The following MYO9A variants were observed in gnomAD, a reference collection of about 807,000 sequenced individuals.
The protein encoded by MYO9A is unconventional myosin-IXa.
In MYO9A, 103 loss-of-function variants were observed where a neutral mutation model predicts 293.3. The observed-to-expected ratio is 0.35, with a 90% CI of 0.30 to 0.41. The LOEUF is 0.41. MYO9A is among the 10% of genes least tolerant of loss of function. The probability of loss-of-function intolerance (pLI) is 1.00; values close to 1 mark genes in which losing one functional copy is unlikely to be tolerated. For missense variants in MYO9A, 2,685 were observed against 3,033.0 expected, an observed-to-expected ratio of 0.89 and a Z score of 2.69; for synonymous variants, 1,001 against 1,035.7, an observed-to-expected ratio of 0.97 and a Z score of 0.64.
In MYO9A at chr15:71,991,273, GT is replaced by G. The variant is rs745378781; in HGVS notation, c.1588-37del. ...AGAGAAAGTTTTGATTAAAAGTAAT[GT>G]TTAAATTTATTTAATGAATAATATC... On this transcript the variant is annotated intron_variant, in intron 10 of 41. Coordinates refer to ENST00000356056, the MANE Select transcript of MYO9A (RefSeq NM_006901.4). 12 of 1,497,980 alleles carry G rather than the reference GT, an allele frequency of 8.0e-6. No individual in the cohort carries two copies. In the African/African-American group the frequency reaches 1.4e-4, roughly 18 times the overall value. The allele number at this position is 1,497,980 out of a possible 1,614,324, so 92.8% of individuals were successfully genotyped here. A position where few individuals can be genotyped will look rare whatever the true frequency, so the allele number is the denominator to read the frequency against.
At chr15:71,987,359 T>C (rs12438558) in intron 11 of MYO9A, among the ~76,000 whole-genome samples, 1,948 of 152,368 alleles carry the variant, frequency 0.013, 58 homozygotes, top group Admixed American at 0.059. Context: ...CTCTGCTAAA[T>C]ATACTTCAAA....
intron 7 of MYO9A, 25 bp from the exon 8 acceptor site, chr15:72,007,977 A>G: frequency 6.3e-7 from 1 of 1,597,116 alleles, no homozygotes; most frequent in South Asian, 1.1e-5. Flanking sequence ...CACAAATTAT[A>G]GCTTAGTTGT....
intron 18 of MYO9A, among the ~76,000 whole-genome samples, chr15:71,924,221 T>TTTATTATTATTATTATTA (rs535851968): frequency 1.3e-4 from 19 of 151,520 alleles, no homozygotes; most frequent in African/African-American, 4.6e-4. Flanking sequence ...TGAAATTTTG[T>TTTATTATTATTATTATTA]TTATTATTAT....
intron 27 of MYO9A, among the ~76,000 whole-genome samples, chr15:71,884,063 G>C (rs916883017): frequency 2.0e-5 from 3 of 151,972 alleles, no homozygotes; most frequent in Non-Finnish European, 4.4e-5. Context: ...TCTAACTCAA[G>C]TTTTCTAACT....
At chr15:72,010,285 A>G in intron 7 of MYO9A, 65 bp downstream of exon 7, 3 of 1,365,670 alleles carry the variant, frequency 2.2e-6, no homozygotes, top group African/African-American at 2.9e-5. Context: ...TCAACGGCAG[A>G]AATCTTTCAA....
rs762769726 is a variant in MYO9A, at chr15:71,850,040, T to C, written c.6709A>G (p.Thr2237Ala). 5.6e-6 allele frequency: 9 copies of C among 1,613,820 alleles called. No homozygotes were observed. In the African/African-American group the frequency reaches 1.2e-4, roughly 22 times the overall value. The change falls in exon 38 of 42, where the codon ACC becomes GCC. Residue 2237 changes from threonine to alanine, a missense_variant. By Grantham distance (58) the Thr-to-Ala change is moderately conservative. Coordinates refer to ENST00000356056, the MANE Select transcript of MYO9A (RefSeq NM_006901.4). ...GGTTATGGTAACTGGCCTTACGTGG[T>C]AGTCTTACTGATGTCCTGTACACTT... is the stretch of plus-strand genomic sequence containing the variant. ...LQSVQDISKT[T>A]TCVELIVVEQ... is the part of the protein sequence containing the mutation.
chr15:72,007,064 T>G (rs372526627), intron 8 of MYO9A, among the ~76,000 whole-genome samples: 2 of 152,214 alleles, frequency 1.3e-5, no homozygotes, highest in South Asian at 4.1e-4. Context: ...TGGATTACAG[T>G]TGGAGACATT....
chr15:71,869,100 G>C (rs189715669), intron 32 of MYO9A, among the ~76,000 whole-genome samples: 8 of 152,240 alleles, frequency 5.3e-5, no homozygotes, highest in Admixed American at 5.2e-4. Context: ...AACCATCACA[G>C]CAATTGATTC....
intron 4 of MYO9A, among the ~76,000 whole-genome samples, chr15:72,023,142 A>G (rs1038188324): frequency 2.0e-5 from 3 of 152,244 alleles, no homozygotes; most frequent in Non-Finnish European, 4.4e-5. Context: ...GTTGAAAAAT[A>G]TAACTGCAAT....
chr15:71,967,276 G>A (rs559316775), intron 13 of MYO9A, among the ~76,000 whole-genome samples: 22 of 152,176 alleles, frequency 1.4e-4, no homozygotes, highest in African/African-American at 5.3e-4. Flanking sequence ...TAGAGAATCA[G>A]GACTACATCT....
chr15:72,085,820 A>AT (rs1165434951), intron 1 of MYO9A, among the ~76,000 whole-genome samples: 1 of 151,692 alleles, frequency 6.6e-6, no homozygotes, highest in Non-Finnish European at 1.5e-5. Context: ...CTTTCACCCT[A>AT]TTTGATGACC....
intron 39 of MYO9A, among the ~76,000 whole-genome samples, chr15:71,844,012 T>C (rs867924534): frequency 3.3e-5 from 5 of 152,238 alleles, no homozygotes; most frequent in Admixed American, 1.3e-4. Flanking sequence ...GGTTTTAACT[T>C]AAGGTTTCCC....
intron 38 of MYO9A, among the ~76,000 whole-genome samples, chr15:71,849,525 C>G (rs943696530): frequency 6.6e-6 from 1 of 151,978 alleles, no homozygotes; most frequent in Non-Finnish European, 1.5e-5. Flanking sequence ...CCAGGCTACA[C>G]GCTACACCAA....
At position 71,968,106 on chromosome 15, in the gene MYO9A, GA is replaced by G; in HGVS notation, c.1863del (p.Gln622LysfsTer4). The G allele has an allele frequency of 6.3e-7, 1 of 1,592,374 alleles. No individual in the cohort carries two copies. Among genetic ancestry groups the G allele is most frequent in the Non-Finnish European group, 8.5e-7 (1 of 1,170,070 alleles). On this transcript the variant is annotated frameshift_variant, in exon 13 of 42. Coordinates refer to ENST00000356056, the MANE Select transcript of MYO9A (RefSeq NM_006901.4). LOFTEE classifies it high-confidence loss of function. ...TGCTTAAACTTGTCTAGCAATGTTT[GA>G]TTTGTAGCCTGTGGAAAGCTGAATT... Reference protein sequence around the residue: ...DEESNFPQATNQTLLDKFKHQ... With the variant: ...DEESNFPQATXQTLLDKFKHQ...
chr15:72,106,118 C>T (rs2080559935), intron 1 of MYO9A, among the ~76,000 whole-genome samples: 1 of 151,974 alleles, frequency 6.6e-6, no homozygotes. Context: ...GATGATTAAT[C>T]AAAGACTTAC....
chr15:72,101,229 T>C (rs2080298854), intron 1 of MYO9A, among the ~76,000 whole-genome samples: 1 of 117,144 alleles, frequency 8.5e-6, no homozygotes. Flanking sequence ...AGCCGCCCCG[T>C]CCGGGAGGGA....
At chr15:72,070,004 C>CTG (rs2150148663) in intron 1 of MYO9A, among the ~76,000 whole-genome samples, 1 of 151,756 alleles carries the variant, frequency 6.6e-6, no homozygotes, top group East Asian at 1.9e-4. Flanking sequence ...CGGCATGCAC[C>CTG]TGTAGTCCCT....
At chr15:71,913,080 T>G (rs2144598646) in intron 19 of MYO9A, among the ~76,000 whole-genome samples, 1 of 152,186 alleles carries the variant, frequency 6.6e-6, no homozygotes, top group Admixed American at 6.5e-5. Flanking sequence ...TTCTGTGCCC[T>G]CCTCCCTTTC....
chr15:72,079,091 G>C (rs906410069), intron 1 of MYO9A, among the ~76,000 whole-genome samples: 4 of 152,172 alleles, frequency 2.6e-5, no homozygotes, highest in Admixed American at 6.6e-5. Flanking sequence ...AGGACACAGA[G>C]AGTGAACCCT....
Sources: gnomAD v4.1 joint callset for allele counts (sites outside exome capture counted in the v4.1 genomes callset) on GRCh38, gnomAD v4.1.1 for gene constraint, MANE v1.5 for transcripts, NCBI Gene and HGNC (gene_info 2026-07-23, HGNC 2026-07-21) for gene names.